Variants in ADAMTS17 observed in about 807,000 individuals in gnomAD.
The protein encoded by ADAMTS17 is A disintegrin and metalloproteinase with thrombospondin motifs 17.
Under a neutral mutation model 141.5 loss-of-function variants are expected in ADAMTS17, and 113 were observed. The observed-to-expected ratio is 0.80, with a 90% CI of 0.69 to 0.93. ADAMTS17 has a LOEUF of 0.93. ADAMTS17 is among the 40% of genes least tolerant of loss of function. The probability of loss-of-function intolerance (pLI) is 0.00; values close to 1 mark genes in which losing one functional copy is unlikely to be tolerated. For missense variants in ADAMTS17, 1,659 were observed against 1,517.9 expected, an observed-to-expected ratio of 1.09 and a Z score of -1.54; for synonymous variants, 768 against 630.6, an observed-to-expected ratio of 1.22 and a Z score of -3.27.
intron 14 of ADAMTS17, 53 bp downstream of exon 14, chr15:100,108,936 G>T: frequency 6.2e-7 from 1 of 1,610,886 alleles, no homozygotes; most frequent in South Asian, 1.1e-5. Context: ...TGTCTGGGGA[G>T]AGTGAGTCTC....
intron 18 of ADAMTS17, among the ~76,000 whole-genome samples, chr15:100,003,066 T>C (rs986997971): frequency 5.9e-5 from 9 of 151,980 alleles, no homozygotes; most frequent in Non-Finnish European, 1.3e-4. Flanking sequence ...TGATAAACTC[T>C]CATGTCCTGG....
At chr15:100,198,056 G>A (rs1390428990) in intron 8 of ADAMTS17, among the ~76,000 whole-genome samples, 1 of 152,158 alleles carries the variant, frequency 6.6e-6, no homozygotes, top group Non-Finnish European at 1.5e-5. Context: ...ACAGCATTAG[G>A]AGAAATACCT....
chr15:99,978,335 G>C (rs1051379770), intron 20 of ADAMTS17, among the ~76,000 whole-genome samples: 1 of 152,208 alleles, frequency 6.6e-6, no homozygotes, highest in African/African-American at 2.4e-5. Context: ...TAAACATTCA[G>C]AGGGAATGTT....
chr15:100,241,492 C>T (rs991128217), intron 7 of ADAMTS17, among the ~76,000 whole-genome samples: 6 of 152,368 alleles, frequency 3.9e-5, no homozygotes, highest in African/African-American at 1.4e-4. Context: ...AGCCTCAAAT[C>T]TCAGTGTCTC....
chr15:100,068,389 G>A (rs888107136), intron 15 of ADAMTS17, among the ~76,000 whole-genome samples: 2 of 152,242 alleles, frequency 1.3e-5, no homozygotes, highest in African/African-American at 4.8e-5. Flanking sequence ...CTTTCTGACA[G>A]CCTTGAAGAG....
At chr15:100,065,644 C>A (rs1468381675) in intron 15 of ADAMTS17, among the ~76,000 whole-genome samples, 1 of 152,042 alleles carries the variant, frequency 6.6e-6, no homozygotes, top group African/African-American at 2.4e-5. Context: ...GTTTTCCCAC[C>A]GAAAAAGATT....
intron 10 of ADAMTS17, among the ~76,000 whole-genome samples, chr15:100,147,641 A>T (rs4965286): frequency 0.69 from 105,428 of 152,158 alleles, 37,605 homozygotes; most frequent in East Asian, 0.87. Context: ...CCACCAGCAC[A>T]TATGCAGCTG....
At chr15:100,027,677 A>T (rs1316944447) in intron 18 of ADAMTS17, among the ~76,000 whole-genome samples, 1 of 152,250 alleles carries the variant, frequency 6.6e-6, no homozygotes, top group Non-Finnish European at 1.5e-5. Flanking sequence ...TTTCACTGGA[A>T]AAGTTTGCTG....
At chr15:100,145,265 T>G (rs759901526) in intron 10 of ADAMTS17, among the ~76,000 whole-genome samples, 49 of 152,202 alleles carry the variant, frequency 3.2e-4, no homozygotes, top group Admixed American at 1.3e-4. Flanking sequence ...AGCCTAGGGC[T>G]TGGGAACATG....
At chr15:100,314,990 G>A (rs1370182397) in intron 3 of ADAMTS17, among the ~76,000 whole-genome samples, 1 of 152,194 alleles carries the variant, frequency 6.6e-6, no homozygotes. Context: ...AAGGAGTGAG[G>A]GGTCCTTATT....
intron 14 of ADAMTS17, among the ~76,000 whole-genome samples, chr15:100,108,305 G>A (rs2036533012): frequency 6.6e-6 from 1 of 152,078 alleles, no homozygotes; most frequent in Non-Finnish European, 1.5e-5. Flanking sequence ...CCGAGTAGCT[G>A]GGATTACAAG....
At chr15:100,208,439 C>T (rs1242671680) in intron 7 of ADAMTS17, among the ~76,000 whole-genome samples, 2 of 152,154 alleles carry the variant, frequency 1.3e-5, no homozygotes, top group Non-Finnish European at 2.9e-5. Context: ...GGCCCACCTG[C>T]AGGGCTGATA....
chr15:100,216,524 G>A (rs776145410), intron 7 of ADAMTS17, among the ~76,000 whole-genome samples: 2 of 152,194 alleles, frequency 1.3e-5, no homozygotes, highest in Admixed American at 6.5e-5. Context: ...GGTTGGCCAC[G>A]ACAAGATACC....
intron 15 of ADAMTS17, among the ~76,000 whole-genome samples, chr15:100,061,201 G>C (rs997181761): frequency 6.6e-6 from 1 of 152,158 alleles, no homozygotes; most frequent in Non-Finnish European, 1.5e-5. Flanking sequence ...GTCTCCATCC[G>C]GCAGTCTCTG....
intron 7 of ADAMTS17, among the ~76,000 whole-genome samples, chr15:100,225,166 T>C (rs2042255031): frequency 6.6e-6 from 1 of 152,258 alleles, no homozygotes; most frequent in Non-Finnish European, 1.5e-5. Context: ...ATTGGAAACA[T>C]ACTTAACCAT....
At position 100,341,377 on chromosome 15, in the gene ADAMTS17, C is replaced by G. The variant is rs1307657780; in HGVS notation, c.112G>C (p.Val38Leu). ...VGDAAADVEV[V>L]LPWRVRPDDV... ...TCGGGGCGCACCCGCCACGGGAGCA[C>G]CACCTCCACGTCGGCCGCCGCGTCG... is the stretch of plus-strand genomic sequence containing the variant. The change falls in exon 2 of 22, where the codon GTG (valine) becomes CTG (leucine). Residue 38 changes from valine (V) to leucine (L), a missense_variant. By Grantham distance (32) the Val-to-Leu change is conservative (BLOSUM62 1). Coordinates refer to ENST00000268070, the MANE Select transcript of ADAMTS17 (RefSeq NM_139057.4). The G allele has an allele frequency of 1.6e-5, 16 of 1,017,402 alleles. No homozygotes were observed. Among genetic ancestry groups the G allele is most frequent in the Non-Finnish European group, 1.8e-5 (15 of 852,782 alleles). The allele number at this position is 1,017,402 out of a possible 1,614,324, so 63.0% of individuals were successfully genotyped here.
chr15:100,102,763 C>T (rs28463276), intron 14 of ADAMTS17, among the ~76,000 whole-genome samples: 8,680 of 152,208 alleles, frequency 0.057, 813 homozygotes, highest in African/African-American at 0.19. Flanking sequence ...TCTGGGTTTC[C>T]TCAAACAGTT....
intron 15 of ADAMTS17, among the ~76,000 whole-genome samples, chr15:100,067,586 G>C (rs920519074): frequency 1.3e-5 from 2 of 151,854 alleles, no homozygotes; most frequent in East Asian, 3.9e-4. Context: ...GATCTATTTG[G>C]TTTTCTTTTG....
intron 18 of ADAMTS17, among the ~76,000 whole-genome samples, chr15:100,041,219 A>G (rs1307409156): frequency 1.3e-5 from 2 of 152,234 alleles, no homozygotes; most frequent in East Asian, 1.9e-4. Flanking sequence ...GCAAATGACT[A>G]TTCAATTCAA....
Sources: gnomAD v4.1 joint callset for allele counts (sites outside exome capture counted in the v4.1 genomes callset) on GRCh38, gnomAD v4.1.1 for gene constraint, MANE v1.5 for transcripts, NCBI Gene and HGNC (gene_info 2026-07-23, HGNC 2026-07-21) for gene names.